The following RGS22 variants were observed in gnomAD, a reference collection of about 807,000 sequenced individuals.
The protein encoded by RGS22 is regulator of G protein signaling 22.
In RGS22, 148 loss-of-function variants were observed where a neutral mutation model predicts 172.9. That is an observed-to-expected ratio of 0.86 (90% CI 0.75 to 0.98). RGS22 has a LOEUF of 0.98. Among genes scored for constraint, RGS22 ranks in the 50% least tolerant of loss-of-function variants. The pLI is 0.00. For synonymous variants in RGS22, 458 were observed against 480.2 expected, an observed-to-expected ratio of 0.95 and a Z score of 0.60; for missense variants, 1,347 against 1,440.8, an observed-to-expected ratio of 0.93 and a Z score of 1.05.
chr8:100,031,450 T>C (rs1281622070), intron 14 of RGS22, among the ~76,000 whole-genome samples: 2 of 152,136 alleles, frequency 1.3e-5, no homozygotes, highest in African/African-American at 2.4e-5. Context: ...GGAATTCTCT[T>C]ATTTCTCATT....
In RGS22 at chr8:100,004,098, C is replaced by G; in HGVS notation, c.2455G>C (p.Asp819His). 6.3e-7 allele frequency: 1 copy of G among 1,593,144 alleles called. No individual in the cohort carries two copies. The highest frequency in any genetic ancestry group is 1.1e-5 in the South Asian group (1 of 87,744). Reference sequence around the variant, plus strand: ...CCAGTTCCAATTTCACAAGTGGTGTCCTAGTGAAATAGTACTTTTCAGCAA... The same window carrying G: ...CCAGTTCCAATTTCACAAGTGGTGTGCTAGTGAAATAGTACTTTTCAGCAA... ...HKETFSKKAEDTTCEIGTGIL... is the reference protein window; with the variant it reads ...HKETFSKKAEHTTCEIGTGIL... The change falls in exon 17 of 28, where the codon GAC becomes CAC. Residue 819 changes from aspartate to histidine, a missense_variant and splice_region_variant. Physicochemically the swap from Asp to His is moderately conservative, Grantham distance 81. Coordinates refer to ENST00000360863, the MANE Select transcript of RGS22 (RefSeq NM_015668.5).
chr8:100,047,984 C>T (rs978766810), intron 10 of RGS22, among the ~76,000 whole-genome samples: 6 of 151,586 alleles, frequency 4.0e-5, no homozygotes, highest in Non-Finnish European at 7.4e-5. Context: ...CGGGTGTCAG[C>T]GGTCACAGGG....
intron 10 of RGS22, among the ~76,000 whole-genome samples, chr8:100,050,487 T>A (rs967146770): frequency 1.3e-5 from 2 of 152,184 alleles, no homozygotes; most frequent in African/African-American, 4.8e-5. Context: ...CTTGTGGAAG[T>A]AAAACTTTAA....
chr8:100,001,093 C>G (rs1057061610), intron 18 of RGS22, among the ~76,000 whole-genome samples: 4 of 150,854 alleles, frequency 2.7e-5, no homozygotes, highest in Admixed American at 2.0e-4. Context: ...TAACAAACTT[C>G]AAGCTAAATA....
chr8:100,083,680 T>C (rs1431315890), intron 3 of RGS22, among the ~76,000 whole-genome samples: 1 of 151,926 alleles, frequency 6.6e-6, no homozygotes, highest in African/African-American at 2.4e-5. Flanking sequence ...ATTACTTTTA[T>C]ATTTACATAA....
chr8:100,034,252 G>A (rs1277572547), intron 14 of RGS22, among the ~76,000 whole-genome samples: 1 of 152,156 alleles, frequency 6.6e-6, no homozygotes, highest in East Asian at 1.9e-4. Context: ...AAGCTGATAA[G>A]CAACTTCAGC....
intron 19 of RGS22, among the ~76,000 whole-genome samples, chr8:99,999,041 C>T (rs188388693): frequency 6.6e-6 from 1 of 151,904 alleles, no homozygotes; most frequent in Admixed American, 6.6e-5. Context: ...TGCCTGTAGT[C>T]TCAGTTACTT....
In RGS22 at chr8:100,106,024, G is replaced by C. The variant is rs1414280256; in HGVS notation, c.-103C>G. 6.7e-6 allele frequency: 8 copies of C among 1,191,612 alleles called. No individual in the cohort carries two copies. Among genetic ancestry groups the C allele is most frequent in the Non-Finnish European group, 8.3e-6 (8 of 963,002 alleles). 73.8% of individuals were successfully genotyped at this position (1,191,612 alleles called of 1,614,324 possible). ...CTGAGCGACGCGGCGACGGCGCGCG[G>C]GCTCCGGAGCTACGCTGGCTAGCGT... On this transcript the variant is annotated 5_prime_UTR_variant, in exon 1 of 28. Coordinates refer to ENST00000360863, the MANE Select transcript of RGS22 (RefSeq NM_015668.5).
At chr8:99,966,307 A>C (rs1216660030) in intron 23 of RGS22, among the ~76,000 whole-genome samples, 1 of 152,170 alleles carries the variant, frequency 6.6e-6, no homozygotes, top group Non-Finnish European at 1.5e-5. Flanking sequence ...GAACGATGAA[A>C]TACAACCTGT....
intron 14 of RGS22, among the ~76,000 whole-genome samples, chr8:100,027,844 A>G (rs1434044135): frequency 6.6e-6 from 1 of 152,156 alleles, no homozygotes. Flanking sequence ...TAGTTTCTTC[A>G]AATTCCCATT....
intron 6 of RGS22, among the ~76,000 whole-genome samples, chr8:100,069,182 T>C (rs901081326): frequency 3.9e-5 from 6 of 152,200 alleles, no homozygotes; most frequent in African/African-American, 1.4e-4. Flanking sequence ...AGAGGCTTCC[T>C]CTTGTATGAT....
intron 15 of RGS22, among the ~76,000 whole-genome samples, chr8:100,007,942 C>T (rs1420016863): frequency 6.6e-6 from 1 of 151,884 alleles, no homozygotes; most frequent in East Asian, 1.9e-4. Context: ...CCACGTGAGA[C>T]CTTTTTCAGT....
chr8:99,985,491 C>G (rs1203826607), intron 21 of RGS22, among the ~76,000 whole-genome samples: 1 of 152,172 alleles, frequency 6.6e-6, no homozygotes, highest in Admixed American at 6.5e-5. Flanking sequence ...TGTGCCAAAA[C>G]CATACCTAGT....
chr8:99,998,999 A>C (rs953836476), intron 19 of RGS22, among the ~76,000 whole-genome samples: 1 of 151,946 alleles, frequency 6.6e-6, no homozygotes, highest in Admixed American at 6.6e-5. Context: ...CTTCAAAAAA[A>C]TTTTTTTCAA....
chr8:99,981,789 TGA>T, intron 22 of RGS22, 146 bp downstream of exon 22: 1 of 484,338 alleles, frequency 2.1e-6, no homozygotes, highest in Non-Finnish European at 3.5e-6. Flanking sequence ...CTCAAACTCC[TGA>T]GCTCAAACAA....
intron 11 of RGS22, among the ~76,000 whole-genome samples, chr8:100,047,061 C>T (rs1820799438): frequency 1.3e-5 from 2 of 152,150 alleles, no homozygotes; most frequent in Admixed American, 1.3e-4. Flanking sequence ...AGCAATCTGC[C>T]TGCCCTGGTC....
chr8:100,047,075 A>G (rs558722109), intron 11 of RGS22, among the ~76,000 whole-genome samples: 3 of 152,278 alleles, frequency 2.0e-5, no homozygotes, highest in Admixed American at 2.0e-4. Context: ...CCTGGTCTCC[A>G]AAATGCTGCG....
chr8:100,095,597 T>G (rs1586280795), intron 2 of RGS22, among the ~76,000 whole-genome samples: 1 of 152,212 alleles, frequency 6.6e-6, no homozygotes, highest in African/African-American at 2.4e-5. Context: ...GTTATTAAAT[T>G]TAACAGATAT....
chr8:100,088,381 G>A (rs1429740265), intron 3 of RGS22, among the ~76,000 whole-genome samples: 3 of 151,758 alleles, frequency 2.0e-5, no homozygotes, highest in Non-Finnish European at 4.4e-5. Flanking sequence ...AATCTACGTG[G>A]GCTCATCTAC....
Sources: allele counts gnomAD v4.1 joint callset (sites outside exome capture counted in the v4.1 genomes callset), GRCh38; gene constraint gnomAD v4.1.1; transcripts MANE v1.5; gene names NCBI Gene and HGNC (gene_info 2026-07-23, HGNC 2026-07-21).